The following CRACD variants were observed in gnomAD, a reference collection of about 807,000 sequenced individuals.
The protein encoded by CRACD is capping protein-inhibiting regulator of actin dynamics.
A neutral mutation model predicts 106.8 loss-of-function variants in CRACD; 56 were observed. That is an observed-to-expected ratio of 0.52 (90% CI 0.42 to 0.66). The LOEUF is 0.66. Ranked by LOEUF, CRACD falls within the 30% of genes least tolerant of loss-of-function variation. CRACD has a pLI of 0.00. For missense variants in CRACD, 1,730 were observed against 1,623.2 expected (o/e 1.07, Z -1.13); for synonymous variants, 754 against 670.8 (o/e 1.12, Z -1.92).
chr4:56,163,747 T>G (rs1411365176), intron 1 of CRACD, among the ~76,000 whole-genome samples: 7 of 151,048 alleles, frequency 4.6e-5, no homozygotes, highest in Non-Finnish European at 7.4e-5. Flanking sequence ...GTTCTTTGTG[T>G]GTATCTTTTT....
intron 1 of CRACD, among the ~76,000 whole-genome samples, chr4:56,076,153 C>T (rs1015918514): frequency 3.3e-5 from 5 of 152,030 alleles, no homozygotes; most frequent in African/African-American, 7.2e-5. Context: ...TAACTTGTTT[C>T]CTTATAAGAG....
intron 3 of CRACD, among the ~76,000 whole-genome samples, chr4:56,276,599 G>T (rs1345193788): frequency 2.6e-5 from 4 of 152,196 alleles, no homozygotes; most frequent in Admixed American, 2.0e-4. Context: ...ACTAAGGCTA[G>T]CAGGTAATTT....
intron 2 of CRACD, among the ~76,000 whole-genome samples, chr4:56,235,451 C>T (rs1283201260): frequency 6.6e-6 from 1 of 152,168 alleles, no homozygotes; most frequent in East Asian, 1.9e-4. Flanking sequence ...CATTAAATAC[C>T]AGCTCACATC....
chr4:56,188,686 TCACACACACA>T (rs375013824), intron 2 of CRACD, among the ~76,000 whole-genome samples: 1 of 92,134 alleles, frequency 1.1e-5, no homozygotes, highest in African/African-American at 4.9e-5. Context: ...TCTCTCTCTC[TCACACACACA>T]CACACACACA....
intron 2 of CRACD, among the ~76,000 whole-genome samples, chr4:56,232,483 T>A (rs1325442882): frequency 3.3e-5 from 5 of 152,098 alleles, no homozygotes; most frequent in Admixed American, 2.0e-4. Flanking sequence ...TGTTTTCATT[T>A]CTCTTGGGTA....
At chr4:56,193,832 A>C (rs962338652) in intron 2 of CRACD, among the ~76,000 whole-genome samples, 1 of 152,106 alleles carries the variant, frequency 6.6e-6, no homozygotes, top group African/African-American at 2.4e-5. Context: ...ATATTCCAAT[A>C]CTGGAGCATC....
At chr4:56,264,686 A>G (rs1741900343) in intron 2 of CRACD, among the ~76,000 whole-genome samples, 1 of 152,246 alleles carries the variant, frequency 6.6e-6, no homozygotes, top group Admixed American at 6.5e-5. Flanking sequence ...AGATTAAAGT[A>G]AAGACAAGCA....
intron 1 of CRACD, among the ~76,000 whole-genome samples, chr4:56,112,047 C>A (rs1022024793): frequency 6.6e-6 from 1 of 152,170 alleles, no homozygotes; most frequent in Non-Finnish European, 1.5e-5. Flanking sequence ...AGAAATTGCA[C>A]CTAAACAATA....
At chr4:56,074,950 G>GT (rs1408338366) in intron 1 of CRACD, among the ~76,000 whole-genome samples, 7 of 152,232 alleles carry the variant, frequency 4.6e-5, no homozygotes, top group African/African-American at 1.7e-4. Context: ...CAATCATGTG[G>GT]TTTTTGTGAT....
chr4:56,068,584 T>C (rs1267689335), intron 1 of CRACD, among the ~76,000 whole-genome samples: 3 of 152,190 alleles, frequency 2.0e-5, no homozygotes, highest in African/African-American at 7.2e-5. Context: ...CTTAGAAGGA[T>C]ACTGGCAGCT....
Position 56,316,189 on chromosome 4 carries a change from A to C in CRACD, c.2687A>C (p.Glu896Ala), listed in dbSNP as rs555313372. ...AGCGCTCGTGGAGAGAAAGAGATGG[A>C]GGGTGTGGCCCTCAAGCATGGTCCA... Reference protein sequence around the residue: ...AGSARGEKEMEGVALKHGPSL... With the variant: ...AGSARGEKEMAGVALKHGPSL... The change falls in exon 8 of 11, where the codon GAG becomes GCG. Residue 896 changes from glutamate (E) to alanine (A), a missense_variant. By Grantham distance (107) the Glu-to-Ala change is moderately radical. Coordinates refer to ENST00000682029, the MANE Select transcript of CRACD (RefSeq NM_001393381.1). 12 of 1,614,102 alleles carry C rather than the reference A, an allele frequency of 7.4e-6. No individual in the cohort carries two copies. In the South Asian group the frequency reaches 1.2e-4, roughly 16 times the overall value.
At chr4:56,214,781 G>A in intron 2 of CRACD, among the ~76,000 whole-genome samples, 1 of 151,114 alleles carries the variant, frequency 6.6e-6, no homozygotes, top group Non-Finnish European at 1.5e-5. Context: ...GGGAGGCCAA[G>A]GTAGGCAAAT....
rs777966275 is a variant in CRACD at position 56,314,040 on chromosome 4, G to C, written c.538G>C (p.Asp180His). The C allele has an allele frequency of 1.2e-6, 2 of 1,611,462 alleles. No homozygotes were observed. Among genetic ancestry groups the C allele is most frequent in the South Asian group, 2.2e-5 (2 of 90,968 alleles). ...ATTGTGTTTTCCTTTCCAATGTTAG[G>C]ATCCACAACATGAGCAAGGCGGCCT... ...VSKKHRRLAQ[D>H]PQHEQGGLES... Residue 180 changes from aspartate (D) to histidine (H), a missense_variant and splice_region_variant, in exon 8 of 11, where the codon GAT becomes CAT. Around this residue, in one of 5 missense-constraint regions of CRACD, gnomAD observed 1,620 missense variants for 1,481.6 expected, o/e 1.09. Coordinates refer to ENST00000682029, the MANE Select transcript of CRACD (RefSeq NM_001393381.1). This position sits in a 1 kb window ranked among gnomAD's most constrained non-coding sequence, Gnocchi z 4.4.
chr4:56,172,020 C>CTTTTT lies in CRACD; in HGVS notation c.-335-7253_-335-7249dup, dbSNP rs35574683. 2.5e-3 allele frequency among the ~76,000 whole-genome samples: 270 copies of CTTTTT among 106,382 alleles called. 11 individuals carry two copies. The highest frequency in any genetic ancestry group is 7.5e-3 in the African/African-American group (212 of 28,378). The allele number at this position is 106,382 out of a possible 152,430, so 69.8% of individuals were successfully genotyped here. A position where few individuals can be genotyped will look rare whatever the true frequency, so the allele number is the denominator to read the frequency against. ...GTGGAGGTATCTTTTGAGGGTTTCT[C>CTTTTT]TTTTTTTTTTTTTTTCAACTTTACA... On this transcript the variant is annotated intron_variant, in intron 1 of 10. Coordinates refer to ENST00000682029, the MANE Select transcript of CRACD (RefSeq NM_001393381.1).
chr4:56,077,988 G>C (rs528712598), intron 1 of CRACD, among the ~76,000 whole-genome samples: 2 of 152,210 alleles, frequency 1.3e-5, no homozygotes, highest in East Asian at 1.9e-4. Flanking sequence ...GTACATAAAG[G>C]CACCAAATTA....
At chr4:56,224,044 A>G (rs1230818605) in intron 2 of CRACD, among the ~76,000 whole-genome samples, 1 of 152,166 alleles carries the variant, frequency 6.6e-6, no homozygotes, top group Non-Finnish European at 1.5e-5. Context: ...GGTGTGCACC[A>G]CCAGGCCTGG....
At chr4:56,057,799 A>ATT (rs754198915) in intron 1 of CRACD, among the ~76,000 whole-genome samples, 15 of 43,446 alleles carry the variant, frequency 3.5e-4, no homozygotes, top group East Asian at 1.6e-3. Context: ...CATTTTTTGT[A>ATT]TTTTTTTTTT....
intron 1 of CRACD, among the ~76,000 whole-genome samples, chr4:56,056,612 A>T (rs1732076878): frequency 6.6e-6 from 1 of 151,798 alleles, no homozygotes; most frequent in South Asian, 2.1e-4. Context: ...AAAAAAACAA[A>T]CAAAAAAAAC....
intron 1 of CRACD, among the ~76,000 whole-genome samples, chr4:56,088,300 G>A (rs1377725162): frequency 6.6e-6 from 1 of 151,926 alleles, no homozygotes; most frequent in Non-Finnish European, 1.5e-5. Context: ...CCTTACTGGG[G>A]CCACCCTCAA....
Sources: allele counts gnomAD v4.1 joint callset (sites outside exome capture counted in the v4.1 genomes callset), GRCh38; gene constraint gnomAD v4.1.1; regional missense constraint gnomAD v4.1.1; non-coding constraint Gnocchi (gnomAD v3.1); transcripts MANE v1.5; gene names NCBI Gene and HGNC (gene_info 2026-07-23, HGNC 2026-07-21).